The following CNTNAP5 variants were observed in gnomAD, a reference collection of about 807,000 sequenced individuals.
CNTNAP5 encodes contactin associated protein family member 5.
A neutral mutation model predicts 150.2 loss-of-function variants in CNTNAP5; 72 were observed. The observed-to-expected ratio is 0.48, with a 90% CI of 0.40 to 0.58. CNTNAP5 has a LOEUF of 0.58. CNTNAP5 is among the 20% of genes least tolerant of loss of function. CNTNAP5 has a pLI of 0.00. For synonymous variants in CNTNAP5, 672 were observed against 619.8 expected (o/e 1.08, Z -1.25); for missense variants, 1,636 against 1,626.2 (o/e 1.01, Z -0.10).
chr2:124,318,374 T>G (rs1159637607), intron 3 of CNTNAP5, among the ~76,000 whole-genome samples: 1 of 152,240 alleles, frequency 6.6e-6, no homozygotes, highest in Non-Finnish European at 1.5e-5. Flanking sequence ...CCACTCATTT[T>G]TATAAGGCCT....
At chr2:124,700,851 G>A (rs1482133654) in intron 13 of CNTNAP5, among the ~76,000 whole-genome samples, 1 of 151,818 alleles carries the variant, frequency 6.6e-6, no homozygotes, top group Admixed American at 6.6e-5. Context: ...ATAGATATTA[G>A]GTTGGTGCAA....
intron 21 of CNTNAP5, among the ~76,000 whole-genome samples, chr2:124,901,521 G>A (rs530573550): frequency 6.6e-6 from 1 of 152,274 alleles, no homozygotes; most frequent in South Asian, 2.1e-4. Flanking sequence ...GATGTGGGTG[G>A]CTTCTAGAAG....
At chr2:124,405,298 A>C (rs1245525507) in intron 3 of CNTNAP5, among the ~76,000 whole-genome samples, 1 of 152,170 alleles carries the variant, frequency 6.6e-6, no homozygotes, top group Non-Finnish European at 1.5e-5. Context: ...TCTTTTAGTG[A>C]GGAAGTGGGC....
At chr2:124,571,716 GA>G (rs1259003425) in intron 11 of CNTNAP5, among the ~76,000 whole-genome samples, 2 of 151,140 alleles carry the variant, frequency 1.3e-5, no homozygotes, top group Non-Finnish European at 2.9e-5. Context: ...ATTTTTAGTA[GA>G]AATGGGGTTT....
intron 1 of CNTNAP5, among the ~76,000 whole-genome samples, chr2:124,039,061 G>GCTA (rs1182277548): frequency 3.9e-5 from 6 of 152,178 alleles, no homozygotes; most frequent in Admixed American, 3.9e-4. Context: ...GATATATCTT[G>GCTA]CTACCATTCA....
intron 6 of CNTNAP5, among the ~76,000 whole-genome samples, chr2:124,463,534 C>T (rs1280898223): frequency 6.6e-6 from 1 of 152,152 alleles, no homozygotes; most frequent in African/African-American, 2.4e-5. Flanking sequence ...GTTAAGAAAA[C>T]ATGCGTGGCG....
intron 11 of CNTNAP5, among the ~76,000 whole-genome samples, chr2:124,608,677 T>TG (rs1677306186): frequency 6.6e-6 from 1 of 152,206 alleles, no homozygotes; most frequent in South Asian, 2.1e-4. Flanking sequence ...CCAGGCGCAG[T>TG]GGTTCACACA....
intron 17 of CNTNAP5, among the ~76,000 whole-genome samples, chr2:124,786,548 G>GAAAGGAAAGAAAGA (rs1681601596): frequency 2.1e-5 from 3 of 143,626 alleles, no homozygotes; most frequent in African/African-American, 7.9e-5. Flanking sequence ...GAAAGAGAAA[G>GAAAGGAAAGAAAGA]GAAAGAAAGA....
chr2:124,413,689 C>G, intron 3 of CNTNAP5, among the ~76,000 whole-genome samples: 1 of 23,942 alleles, frequency 4.2e-5, no homozygotes, highest in South Asian at 2.1e-3. Context: ...AATGAGATCA[C>G]ATGGACACAG....
chr2:124,894,928 C>T (rs760475067), intron 21 of CNTNAP5, among the ~76,000 whole-genome samples: 43 of 151,452 alleles, frequency 2.8e-4, no homozygotes, highest in Non-Finnish European at 1.8e-4. Context: ...GAGTATAATA[C>T]CTAGGAGTTT....
At chr2:124,591,958 T>G (rs1696693825) in intron 11 of CNTNAP5, among the ~76,000 whole-genome samples, 1 of 152,278 alleles carries the variant, frequency 6.6e-6, no homozygotes, top group African/African-American at 2.4e-5. Flanking sequence ...CCCCATTTAT[T>G]AGATAAACAT....
At chr2:124,409,602 C>G (rs1418484948) in intron 3 of CNTNAP5, among the ~76,000 whole-genome samples, 1 of 109,380 alleles carries the variant, frequency 9.1e-6, no homozygotes, top group African/African-American at 3.6e-5. Flanking sequence ...AATTTTCAAC[C>G]CAGAATTTCA....
At chr2:124,457,494 G>A (rs1163324203) in intron 6 of CNTNAP5, among the ~76,000 whole-genome samples, 1 of 152,086 alleles carries the variant, frequency 6.6e-6, no homozygotes, top group Non-Finnish European at 1.5e-5. Flanking sequence ...AGTGTGCTAA[G>A]GACATGAATA....
At chr2:124,556,796 A>T (rs1438659000) in intron 10 of CNTNAP5, among the ~76,000 whole-genome samples, 1 of 152,116 alleles carries the variant, frequency 6.6e-6, no homozygotes, top group Non-Finnish European at 1.5e-5. Context: ...GGGTATTGCC[A>T]TCAACTGTGA....
At chr2:124,233,661 TTC>T (rs896950430) in intron 2 of CNTNAP5, among the ~76,000 whole-genome samples, 2 of 151,924 alleles carry the variant, frequency 1.3e-5, no homozygotes, top group African/African-American at 4.8e-5. Context: ...CTTTCTCTCC[TTC>T]TCTCTCTCCT....
At chr2:124,626,004 T>C (rs936077422) in intron 12 of CNTNAP5, among the ~76,000 whole-genome samples, 1 of 152,118 alleles carries the variant, frequency 6.6e-6, no homozygotes, top group African/African-American at 2.4e-5. Flanking sequence ...CCTCAATGAG[T>C]TGTACAAAAT....
chr2:124,402,743 G>A (rs1449989918), intron 3 of CNTNAP5, among the ~76,000 whole-genome samples: 1 of 152,158 alleles, frequency 6.6e-6, no homozygotes, highest in East Asian at 1.9e-4. Flanking sequence ...ACACACATAT[G>A]CACTTATGAT....
intron 16 of CNTNAP5, among the ~76,000 whole-genome samples, chr2:124,767,104 C>T (rs553591693): frequency 3.3e-5 from 5 of 152,264 alleles, no homozygotes; most frequent in African/African-American, 1.2e-4. Context: ...CTAAAGGGTT[C>T]ATGGCAAGAA....
chr2:124,642,414 A>G (rs1173606254), intron 12 of CNTNAP5, among the ~76,000 whole-genome samples: 1 of 152,196 alleles, frequency 6.6e-6, no homozygotes, highest in Non-Finnish European at 1.5e-5. Context: ...AGAACCTGAC[A>G]GTATACAAAG....
Sources: allele counts gnomAD v4.1 joint callset (sites outside exome capture counted in the v4.1 genomes callset), GRCh38; gene constraint gnomAD v4.1.1; transcripts MANE v1.5; gene names NCBI Gene and HGNC (gene_info 2026-07-23, HGNC 2026-07-21).